CD1B: variants seen among roughly 807,000 people sequenced by gnomAD.
The protein encoded by CD1B is CD1b molecule.
In CD1B, 43 loss-of-function variants were observed where a neutral mutation model predicts 39.8. The observed-to-expected ratio is 1.08, with a 90% CI of 0.85 to 1.39. CD1B has a LOEUF of 1.39. Among genes scored for constraint, CD1B ranks in the 40% most tolerant of loss-of-function variants. CD1B has a pLI of 0.00. For synonymous variants in CD1B, 192 were observed against 152.5 expected (o/e 1.26, Z -1.91); for missense variants, 495 against 403.8 (o/e 1.23, Z -1.94).
At chr1:158,331,278 T>C in intron 1 of CD1B, 85 bp downstream of exon 1, 3 of 1,291,406 alleles carry the variant, frequency 2.3e-6, no homozygotes, top group Non-Finnish European at 3.4e-6. Context: ...ACCCTTAGTG[T>C]CCAATTGCAC....
At chr1:158,326,806 T>G (rs1373452337), downstream of CD1B, among the ~76,000 whole-genome samples, 1 of 151,944 alleles carries the variant, frequency 6.6e-6, no homozygotes, top group Non-Finnish European at 1.5e-5. Flanking sequence ...ATTATTATTA[T>G]TATTTTTGGA....
At chr1:158,291,587 A>T in the CD1B span, among the ~76,000 whole-genome samples, 2 of 151,836 alleles carry the variant, frequency 1.3e-5, no homozygotes, top group African/African-American at 4.8e-5. Context: ...TATTTTTGGA[A>T]TTTTTTTTCT....
rs758035099 is a variant in CD1B at position 158,330,594 on chromosome 1, A to G, written c.328+202T>C. ...AAGTGGAAGACAGTCTGAGAGTAAG[A>G]GAAGAGTGCAGAGGCAGCAAGAATC... On this transcript the variant is annotated intron_variant, in intron 2 of 5. Coordinates refer to ENST00000368168, the MANE Select transcript of CD1B (RefSeq NM_001764.3). 3.1e-5 allele frequency: 22 copies of G among 715,390 alleles called. No individual in the cohort carries two copies. In the South Asian group the frequency reaches 3.2e-4, roughly 10 times the overall value. 44.3% of individuals were successfully genotyped at this position (715,390 alleles called of 1,614,324 possible).
At chr1:158,308,860 C>T in the CD1B span, among the ~76,000 whole-genome samples, 1 of 152,152 alleles carries the variant, frequency 6.6e-6, no homozygotes, top group Non-Finnish European at 1.5e-5. Flanking sequence ...ACATGTTAGA[C>T]CTGAAACCGT....
At position 158,330,923 on chromosome 1, in the gene CD1B, G is replaced by A. The variant is rs1198089657; in HGVS notation, c.201C>T (p.Phe67=). ...GWDSDSGTAI[F]LKPWSKGNFS... is the part of the protein sequence containing the mutation. The stretch of plus-strand genomic sequence containing the variant: ...AGTTACCTTTAGACCAAGGCTTCAG[G>A]AATATGGCAGTGCCTGAGTCGCTAT... The change falls in exon 2 of 6, where the codon TTC becomes TTT. Residue 67 remains phenylalanine, a synonymous_variant. Coordinates refer to ENST00000368168, the MANE Select transcript of CD1B (RefSeq NM_001764.3). 1 of 1,614,094 alleles carries A rather than the reference G, an allele frequency of 6.2e-7. No homozygotes were observed. Among genetic ancestry groups the A allele is most frequent in the Non-Finnish European group, 8.5e-7 (1 of 1,180,020 alleles).
chr1:158,324,622 G>T (rs1557818488), downstream of CD1B, among the ~76,000 whole-genome samples: 1 of 152,168 alleles, frequency 6.6e-6, no homozygotes, highest in Non-Finnish European at 1.5e-5. Context: ...ATATGAGCTT[G>T]TGATGATATT....
chr1:158,330,771 T>C (rs1482579012), intron 2 of CD1B, 25 bp downstream of exon 2: 2 of 1,612,232 alleles, frequency 1.2e-6, no homozygotes, highest in Non-Finnish European at 1.7e-6. Flanking sequence ...TTGAGACTCT[T>C]CCCAGTTCGG....
At chr1:158,314,507 ATGT>A in the CD1B span, among the ~76,000 whole-genome samples, 36 of 151,876 alleles carry the variant, frequency 2.4e-4, no homozygotes, top group Admixed American at 2.4e-3. Flanking sequence ...TTTTGGCTTG[ATGT>A]TGTTCTTGTT....
chr1:158,330,219 G>C, intron 2 of CD1B, 89 bp from the exon 3 acceptor site: 1 of 1,219,536 alleles, frequency 8.2e-7, no homozygotes, highest in Non-Finnish European at 1.2e-6. Flanking sequence ...ATTTTGGTGG[G>C]GATAAAGTTA....
rs1046375246 is a variant in CD1B, at chr1:158,328,016, A to G, written c.*220T>C. ...TTTTTCTAACATTTTAATGTGTGTA[A>G]AATCAGGGTGAATCACACTGTTAGT... On this transcript the variant is annotated 3_prime_UTR_variant, in exon 6 of 6. Coordinates refer to ENST00000368168, the MANE Select transcript of CD1B (RefSeq NM_001764.3). 1 of 451,214 alleles carries G rather than the reference A, an allele frequency of 2.2e-6. No homozygotes were observed. The highest frequency in any genetic ancestry group is 2.0e-5 in the African/African-American group (1 of 50,474). The allele number at this position is 451,214 out of a possible 1,614,324, so 28.0% of individuals were successfully genotyped here.
chr1:158,328,106 T>C lies in CD1B; in HGVS notation c.*130A>G. The C allele has an allele frequency of 1.3e-6, 1 of 744,320 alleles. No homozygotes were observed. The allele number at this position is 744,320 out of a possible 1,614,324, so 46.1% of individuals were successfully genotyped here. ...GCTGATGTTTAAATAATAATTTATT[T>C]TAAAATACATGAAAACTCTGATTTC... On this transcript the variant is annotated 3_prime_UTR_variant, in exon 6 of 6. Transcript: ENST00000368168.
chr1:158,306,329 A>G, the CD1B span, among the ~76,000 whole-genome samples: 1,067 of 152,364 alleles, frequency 7.0e-3, 3 homozygotes, highest in Non-Finnish European at 0.012. Flanking sequence ...AAAAGAGACA[A>G]AGAAAGCCAT....
At chr1:158,317,415 A>T in the CD1B span, among the ~76,000 whole-genome samples, 1 of 152,100 alleles carries the variant, frequency 6.6e-6, no homozygotes, top group Non-Finnish European at 1.5e-5. Context: ...CGAGGAATTT[A>T]TCCATTTCTT....
the CD1B span, among the ~76,000 whole-genome samples, chr1:158,314,041 G>T: frequency 0.013 from 1,906 of 151,402 alleles, 24 homozygotes; most frequent in Middle Eastern, 0.027. Context: ...TTATTTTTTT[G>T]ACTCCTCTTT....
chr1:158,330,177 A>G, intron 2 of CD1B, 47 bp from the exon 3 acceptor site: 1 of 1,523,136 alleles, frequency 6.6e-7, no homozygotes, highest in Non-Finnish European at 8.8e-7. Flanking sequence ...AAATAAGAAA[A>G]AAAGGCATGA....
At chr1:158,316,447 G>C in the CD1B span, among the ~76,000 whole-genome samples, 2 of 151,682 alleles carry the variant, frequency 1.3e-5, no homozygotes, top group Admixed American at 1.3e-4. Context: ...CTCATGATTT[G>C]GCTCTCTGTT....
the CD1B span, among the ~76,000 whole-genome samples, chr1:158,322,862 C>T: frequency 6.6e-6 from 1 of 152,186 alleles, no homozygotes; most frequent in Non-Finnish European, 1.5e-5. Flanking sequence ...GAAAAGTCTG[C>T]TGCCAGGCAT....
the CD1B span, among the ~76,000 whole-genome samples, chr1:158,294,689 A>T: frequency 6.6e-6 from 1 of 152,196 alleles, no homozygotes; most frequent in Non-Finnish European, 1.5e-5. Context: ...CATTCTTGCA[A>T]CTACTGATAT....
At chr1:158,303,356 T>G in the CD1B span, among the ~76,000 whole-genome samples, 2 of 152,188 alleles carry the variant, frequency 1.3e-5, no homozygotes, top group Non-Finnish European at 1.5e-5. Flanking sequence ...AAGCATTCCC[T>G]TTGAAAACTA....
Sources: gnomAD v4.1 joint callset for allele counts (sites outside exome capture counted in the v4.1 genomes callset) on GRCh38, gnomAD v4.1.1 for gene constraint, MANE v1.5 for transcripts, NCBI Gene and HGNC (gene_info 2026-07-23, HGNC 2026-07-21) for gene names.